AXIN2: variants seen among roughly 807,000 people sequenced by gnomAD.
The protein encoded by AXIN2 is axin 2.
In AXIN2, 21 loss-of-function variants were observed where a neutral mutation model predicts 74.7. The ratio of observed to expected loss-of-function variants is 0.28; its 90% CI spans 0.20 to 0.40. The LOEUF is 0.40. AXIN2 is among the 10% of genes least tolerant of loss of function. AXIN2 has a pLI of 1.00. For missense variants in AXIN2, 1,144 were observed against 1,111.1 expected, an observed-to-expected ratio of 1.03 and a Z score of -0.42; for synonymous variants, 532 against 454.9, an observed-to-expected ratio of 1.17 and a Z score of -2.16.
At chr17:65,560,072 G>T (rs1014936239) in intron 1 of AXIN2, 1 of 152,262 alleles carries the variant, frequency 6.6e-6, no homozygotes, top group Non-Finnish European at 1.5e-5. Flanking sequence ...CCTCGAGGCC[G>T]GAACCCCGGG....
chr17:65,557,064 A>C (rs2044277286), intron 2 of AXIN2, among the ~76,000 whole-genome samples: 1 of 152,202 alleles, frequency 6.6e-6, no homozygotes, highest in Non-Finnish European at 1.5e-5. Context: ...AAAGTACTCC[A>C]GGGCCCCAGT....
intron 1 of AXIN2, 38 bp from the exon 2 acceptor site, chr17:65,558,774 A>G (rs1598120794): frequency 1.3e-6 from 1 of 784,636 alleles, no homozygotes; most frequent in East Asian, 2.7e-5. Flanking sequence ...GGGAGAGAGA[A>G]AAGGGTATTG....
Position 65,537,423 on chromosome 17 carries a change from C to A in AXIN2, c.1613G>T (p.Arg538Leu). 1 of 1,614,032 alleles carries A rather than the reference C, an allele frequency of 6.2e-7. No homozygotes were observed. The highest frequency in any genetic ancestry group is 8.5e-7 in the Non-Finnish European group (1 of 1,180,026). ...GCCCCCAGGGCAGAAGCAGTGCACC[C>A]GCTGCGTGGCCTCCGCCTCGATCTC... ...KEEIEAEATQRVHCFCPGGSE... is the reference protein window; with the variant it reads ...KEEIEAEATQLVHCFCPGGSE... Residue 538 changes from arginine (R) to leucine (L), a missense_variant, in exon 6 of 11, where the codon CGG (arginine) becomes CTG (leucine). By Grantham distance (102) the Arg-to-Leu change is moderately radical. Around this residue, in one of 4 missense-constraint regions of AXIN2, gnomAD observed 1,053 missense variants for 973.5 expected, o/e 1.08. Coordinates refer to ENST00000307078, the MANE Select transcript of AXIN2 (RefSeq NM_004655.4).
At chr17:65,533,220 G>A (rs770616925) in intron 10 of AXIN2, among the ~76,000 whole-genome samples, 2 of 152,176 alleles carry the variant, frequency 1.3e-5, no homozygotes, top group Non-Finnish European at 2.9e-5. Flanking sequence ...TTCCCTTCCT[G>A]AAGCCCCTGC....
At chr17:65,530,293 AGAT>A in intron 10 of AXIN2, among the ~76,000 whole-genome samples, 191 bp from the exon 11 acceptor site, 1 of 152,320 alleles carries the variant, frequency 6.6e-6, no homozygotes, top group African/African-American at 2.4e-5. Context: ...AGGTGGGCCG[AGAT>A]GATGAAGGCC....
chr17:65,555,794 G>C (rs1050560066), intron 2 of AXIN2, among the ~76,000 whole-genome samples: 1 of 152,090 alleles, frequency 6.6e-6, no homozygotes, highest in African/African-American at 2.4e-5. Flanking sequence ...GCACACACTC[G>C]AATATCTTGC....
intron 3 of AXIN2, among the ~76,000 whole-genome samples, chr17:65,543,283 T>C (rs748487284): frequency 6.6e-6 from 1 of 152,104 alleles, no homozygotes; most frequent in Non-Finnish European, 1.5e-5. Flanking sequence ...AAACACGTCT[T>C]CTACTCATGA....
At position 65,538,667 on chromosome 17, in the gene AXIN2, CAAAAAAAAA is replaced by C. The variant is rs775428814; in HGVS notation, c.1060-333_1060-325del. On this transcript the variant is annotated intron_variant, in intron 4 of 10. Transcript: ENST00000307078. ...ATCTTCAAAGACTGTTGTCAACCAT[CAAAAAAAAA>C]AAAAAAAAAAAAAAAAAAAAAAAAA... Among the ~76,000 whole-genome samples, 59 of 35,828 alleles carry C rather than the reference CAAAAAAAAA, an allele frequency of 1.6e-3. 2 individuals are homozygous for C. Among genetic ancestry groups the C allele is most frequent in the Admixed American group, 5.0e-3 (11 of 2,212 alleles). The allele number at this position is 35,828 out of a possible 152,430, so 23.5% of individuals were successfully genotyped here.
At chr17:65,536,119 A>G (rs1224771142) in intron 8 of AXIN2, among the ~76,000 whole-genome samples, 3 of 152,242 alleles carry the variant, frequency 2.0e-5, no homozygotes, top group African/African-American at 7.2e-5. Flanking sequence ...TCCTGGCTTA[A>G]CTCTAGTAGA....
In AXIN2 at chr17:65,536,999, G is replaced by A. The variant is rs2043935593; in HGVS notation, c.1777C>T (p.Pro593Ser). 1.2e-6 allele frequency: 2 copies of A among 1,612,076 alleles called. No homozygotes were observed. Among genetic ancestry groups the A allele is most frequent in the South Asian group, 1.1e-5 (1 of 91,048 alleles). Residue 593 changes from proline to serine, a missense_variant, in exon 7 of 11, where the codon CCC becomes TCC. This residue lies in a region of AXIN2 where 1,053 missense variants were observed against 973.5 expected (regional missense o/e 1.08). Coordinates refer to ENST00000307078, the MANE Select transcript of AXIN2 (RefSeq NM_004655.4). Reference sequence around the variant, plus strand: ...CCGGGGGCCCCTCCTTCCCTGGCGGGCAGGGCCAGGCCCGGCTCCGTGCCT... The same window carrying A: ...CCGGGGGCCCCTCCTTCCCTGGCGGACAGGGCCAGGCCCGGCTCCGTGCCT... ...GKGTEPGLAL[P>S]AREGGAPGGA...
Position 65,558,630 on chromosome 17 carries a change from G to GC in AXIN2, c.-11dup. On this transcript the variant is annotated 5_prime_UTR_variant, in exon 2 of 11. Coordinates refer to ENST00000307078, the MANE Select transcript of AXIN2 (RefSeq NM_004655.4). ...ACATAGCGCTACTCATGGTGAGGGA[G>GC]CTCTTCCCACTGAGTCTGGGAATTT... 6.2e-7 allele frequency: 1 copy of GC among 1,603,078 alleles called. No individual in the cohort carries two copies. The highest frequency in any genetic ancestry group is 8.5e-7 in the Non-Finnish European group (1 of 1,179,582).
At chr17:65,537,962 A>T (rs1245574913) in intron 5 of AXIN2, 127 bp from the exon 6 acceptor site, 6 of 1,384,760 alleles carry the variant, frequency 4.3e-6, no homozygotes, top group Non-Finnish European at 4.9e-6. Context: ...AGCCACGCCC[A>T]TGCGCACACG....
In AXIN2 at chr17:65,558,756, G is replaced by C; in HGVS notation, c.-116-20C>G. ...TCCTCTCTGGAAAGAAAAGGAAGGG[G>C]GGAGGTGGGGAGAGAGAAAAGGGTA... On this transcript the variant is annotated intron_variant, in intron 1 of 10. Coordinates refer to ENST00000307078, the MANE Select transcript of AXIN2 (RefSeq NM_004655.4). 1.1e-6 allele frequency: 1 copy of C among 878,198 alleles called. No individual in the cohort carries two copies. Among genetic ancestry groups the C allele is most frequent in the Non-Finnish European group, 1.8e-6 (1 of 551,346 alleles). The allele number at this position is 878,198 out of a possible 1,614,324, so 54.4% of individuals were successfully genotyped here.
chr17:65,537,852 CAGA>C lies in AXIN2; in HGVS notation c.1201-20_1201-18del, dbSNP rs759293912. The C allele has an allele frequency of 2.2e-5, 34 of 1,533,070 alleles. No individual in the cohort carries two copies. In the Admixed American group the frequency reaches 3.5e-4, roughly 16 times the overall value. The allele number at this position is 1,533,070 out of a possible 1,614,324, so 95.0% of individuals were successfully genotyped here. A position where few individuals can be genotyped will look rare whatever the true frequency, so the allele number is the denominator to read the frequency against. On this transcript the variant is annotated intron_variant, in intron 5 of 10. Coordinates refer to ENST00000307078, the MANE Select transcript of AXIN2 (RefSeq NM_004655.4). ...CTCTTCATCCTGAAAGGGAAGACGT[CAGA>C]AGGAGAAGTGACCCAGGAAGCAGAA...
intron 4 of AXIN2, among the ~76,000 whole-genome samples, chr17:65,538,957 C>T: frequency 6.6e-6 from 1 of 151,946 alleles, no homozygotes; most frequent in East Asian, 1.9e-4. Flanking sequence ...TTCTCCTTCC[C>T]TCCTCCCTCT....
chr17:65,560,319 A>C (rs2044345908), intron 1 of AXIN2: 1 of 151,512 alleles, frequency 6.6e-6, no homozygotes, highest in Non-Finnish European at 1.5e-5. Context: ...GCGCAGACTG[A>C]GCCTCCGCCA....
At position 65,554,252 on chromosome 17, in the gene AXIN2, TTCC is replaced by T. The variant is rs372639572; in HGVS notation, c.815+3551_815+3553del. Among the ~76,000 whole-genome samples the T allele has an allele frequency of 1.4e-3, 217 of 151,698 alleles. 2 individuals carry two copies. Among genetic ancestry groups the T allele is most frequent in the Middle Eastern group, 0.01 (3 of 294 alleles). On this transcript the variant is annotated intron_variant, in intron 2 of 10. Transcript: ENST00000307078. ...CCTCCTCCTTCTCCTCCTCTTCCTC[TTCC>T]TCCTCCTCCTCCTCACGTTCCCTTC...
Position 65,556,979 on chromosome 17 carries a change from G to A in AXIN2, c.815+827C>T, listed in dbSNP as rs77604378. ...AACTCATTCTAACAAGAGGTCTGAA[G>A]TTGCCTCCAAAGGTCAAGAATCTTA... On this transcript the variant is annotated intron_variant, in intron 2 of 10. Coordinates refer to ENST00000307078, the MANE Select transcript of AXIN2 (RefSeq NM_004655.4). Among the ~76,000 whole-genome samples the A allele has an allele frequency of 4.9e-3, 749 of 152,292 alleles. 5 individuals are homozygous for A. Among genetic ancestry groups the A allele is most frequent in the African/African-American group, 0.017 (718 of 41,544 alleles).
At chr17:65,546,672 C>T (rs927413148) in intron 3 of AXIN2, among the ~76,000 whole-genome samples, 5 of 152,208 alleles carry the variant, frequency 3.3e-5, no homozygotes, top group Non-Finnish European at 7.3e-5. Flanking sequence ...CCCAGGTGGG[C>T]ACAACTGTGA....
Sources: allele counts gnomAD v4.1 joint callset (sites outside exome capture counted in the v4.1 genomes callset), GRCh38; gene constraint gnomAD v4.1.1; regional missense constraint gnomAD v4.1.1; transcripts MANE v1.5; gene names NCBI Gene and HGNC (gene_info 2026-07-23, HGNC 2026-07-21).